FGF13: variants seen among roughly 807,000 people sequenced by gnomAD.
FGF13 encodes fibroblast growth factor 13, also known as fibroblast growth factor homologous factor 2.
FGF13 carries 2 observed loss-of-function variants against 19.5 expected under a neutral mutation model. That is an observed-to-expected ratio of 0.10 (90% CI 0.04 to 0.32). FGF13 has a LOEUF of 0.32. FGF13 is among the 10% of genes least tolerant of loss of function. FGF13 has a pLI of 1.00. For synonymous variants in FGF13, 72 were observed against 76.9 expected (o/e 0.94, Z 0.33); for missense variants, 113 against 192.7 (o/e 0.59, Z 2.45).
chrX:138,806,833 G>A (rs945096731), intron 3 of FGF13: 5 of 111,701 alleles, frequency 4.5e-5, no homozygotes, highest in African/African-American at 1.6e-4. Context: ...TAGCTCAGGT[G>A]ACCAAGATCT....
intron 3 of FGF13, among the ~76,000 whole-genome samples, chrX:138,751,519 T>C (rs2090397400): frequency 8.9e-6 from 1 of 111,996 alleles, no homozygotes; most frequent in Non-Finnish European, 1.9e-5. Context: ...GTCTTGCTTT[T>C]ATATCATTTC....
intron 1 of FGF13, among the ~76,000 whole-genome samples, chrX:138,956,341 A>C (rs1053966637): frequency 8.9e-6 from 1 of 112,070 alleles, no homozygotes; most frequent in African/African-American, 3.2e-5. Flanking sequence ...CGGAGTGACA[A>C]AACACAAATC....
chrX:139,059,232 A>G (rs1161476011), intron 1 of FGF13, among the ~76,000 whole-genome samples: 2 of 110,453 alleles, frequency 1.8e-5, no homozygotes, highest in African/African-American at 3.3e-5. Context: ...AAGAGAGAGA[A>G]AAAAAAACAC....
At chrX:138,984,632 G>A (rs1427286273) in intron 1 of FGF13, among the ~76,000 whole-genome samples, 18 of 77,608 alleles carry the variant, frequency 2.3e-4, no homozygotes, top group Non-Finnish European at 3.3e-4. Context: ...AAGAGGAGGA[G>A]GAGGAGGAGG....
chrX:138,783,468 GA>G (rs2090664479), intron 3 of FGF13, among the ~76,000 whole-genome samples: 1 of 96,633 alleles, frequency 1.0e-5, no homozygotes, highest in African/African-American at 3.8e-5. Context: ...AAATTTACAA[GA>G]AAAAAACAAA....
chrX:139,142,087 C>A (rs2083850360), intron 1 of FGF13, among the ~76,000 whole-genome samples: 2 of 111,818 alleles, frequency 1.8e-5, no homozygotes, highest in Admixed American at 9.5e-5. Context: ...GTGAAAAAAA[C>A]CCCATTCCTC....
rs531592154 is a variant in FGF13 at position 139,020,794 on chromosome X, T to A, written c.-112-156144A>T. 3.6e-5 allele frequency among the ~76,000 whole-genome samples: 4 copies of A among 111,653 alleles called. No individual in the cohort carries two copies. In the South Asian group the frequency reaches 1.5e-3, roughly 42 times the overall value. On this transcript the variant is annotated intron_variant, in intron 1 of 2. Transcript: ENST00000421460. Reference sequence around the variant, plus strand: ...ACTATTTTAGGTGTATTTTATTGCATCCCAAGGTTCACTGTAATTCTCTTG... The same window carrying A: ...ACTATTTTAGGTGTATTTTATTGCAACCCAAGGTTCACTGTAATTCTCTTG...
At chrX:138,886,610 T>C (rs1481262117) in intron 1 of FGF13, among the ~76,000 whole-genome samples, 2 of 111,936 alleles carry the variant, frequency 1.8e-5, no homozygotes, top group African/African-American at 6.5e-5. Flanking sequence ...TTTTCTCAGC[T>C]ATAAAATGTG....
chrX:139,115,706 C>G (rs1475059543), intron 1 of FGF13, among the ~76,000 whole-genome samples: 1 of 112,572 alleles, frequency 8.9e-6, no homozygotes, highest in African/African-American at 3.2e-5. Flanking sequence ...GATACAAATT[C>G]TCAGGTCAAA....
At position 138,628,622 on chromosome X, in the gene FGF13, C is replaced by T. The variant is rs192170576; in HGVS notation, c.*4228G>A. 3 of 112,424 alleles carry T rather than the reference C, an allele frequency of 2.7e-5. No individual in the cohort carries two copies. Among genetic ancestry groups the T allele is most frequent in the African/African-American group, 9.7e-5 (3 of 30,982 alleles). The allele number at this position is 112,424 out of a possible 1,213,427, so 9.3% of individuals were successfully genotyped here. ...GTTGAAAATGGTTATCAGTTCTGAT[C>T]CCACCACCCCTTATCCACAGCATAG... On this transcript the variant is annotated 3_prime_UTR_variant, in exon 5 of 5. Transcript: ENST00000315930.
intron 3 of FGF13, among the ~76,000 whole-genome samples, chrX:138,770,253 AT>A (rs2090535133): frequency 9.0e-6 from 1 of 111,558 alleles, no homozygotes; most frequent in South Asian, 3.8e-4. Flanking sequence ...CCCACAGGGC[AT>A]TGTTTAATTC....
intron 3 of FGF13, among the ~76,000 whole-genome samples, chrX:138,827,240 G>A (rs757605930): frequency 3.7e-4 from 41 of 112,064 alleles, no homozygotes; most frequent in Admixed American, 1.2e-3. Flanking sequence ...ATGCCCTTGC[G>A]TATTGAGGGA....
chrX:139,182,356 T>C (rs899546676), intron 1 of FGF13, among the ~76,000 whole-genome samples: 1 of 112,327 alleles, frequency 8.9e-6, no homozygotes, highest in African/African-American at 3.2e-5. Context: ...ATTTCCTAAA[T>C]AGTATAAATT....
rs1333891756 is a variant in FGF13, at chrX:138,666,316, GTT to G, written c.403-30663_403-30662del. 2.7e-5 allele frequency among the ~76,000 whole-genome samples: 3 copies of G among 111,353 alleles called. No individual in the cohort carries two copies. In the Admixed American group the frequency reaches 2.9e-4, roughly 11 times the overall value. ...TGCATTCCTGAAAAGAAAAAAATGT[GTT>G]TTTATTGTTAAAATCTAGCCATATT... On this transcript the variant is annotated intron_variant, in intron 3 of 4. Transcript: ENST00000315930.
chrX:138,898,248 T>A (rs1603012590), intron 1 of FGF13, among the ~76,000 whole-genome samples: 1 of 111,946 alleles, frequency 8.9e-6, no homozygotes, highest in East Asian at 2.8e-4. Flanking sequence ...CTACCTAAAA[T>A]GTATGAGTTG....
chrX:138,968,991 C>T (rs2091905286), intron 1 of FGF13, among the ~76,000 whole-genome samples: 1 of 111,563 alleles, frequency 9.0e-6, no homozygotes, highest in Non-Finnish European at 1.9e-5. Flanking sequence ...TGAGTAAATG[C>T]CTTATTCTGG....
upstream of FGF13, among the ~76,000 whole-genome samples, chrX:138,740,245 G>C (rs992182157): frequency 9.0e-6 from 1 of 111,442 alleles, no homozygotes; most frequent in Non-Finnish European, 1.9e-5. Flanking sequence ...TCGAGTCAGA[G>C]AGAAAGGAAA....
intron 3 of FGF13, among the ~76,000 whole-genome samples, chrX:138,765,847 G>A (rs2090498703): frequency 9.0e-6 from 1 of 111,449 alleles, no homozygotes; most frequent in African/African-American, 3.3e-5. Flanking sequence ...TTACTCTCAA[G>A]TCTTACTGGG....
intron 3 of FGF13, among the ~76,000 whole-genome samples, chrX:138,769,826 T>C (rs2090532162): frequency 8.9e-6 from 1 of 112,454 alleles, no homozygotes; most frequent in Non-Finnish European, 1.9e-5. Flanking sequence ...CCACTATCAA[T>C]GAATCACCTA....
Sources: allele counts gnomAD v4.1 joint callset (sites outside exome capture counted in the v4.1 genomes callset), GRCh38; gene constraint gnomAD v4.1.1; transcripts MANE v1.5; gene names NCBI Gene and HGNC (gene_info 2026-07-23, HGNC 2026-07-21).